Variants in ARPP21 observed in about 807,000 individuals in gnomAD.
ARPP21 encodes cAMP regulated phosphoprotein 21, also known as cAMP-regulated phosphoprotein 21.
In ARPP21, 69 loss-of-function variants were observed where a neutral mutation model predicts 113.2. The ratio of observed to expected loss-of-function variants is 0.61; its 90% confidence interval spans 0.50 to 0.74. The LOEUF (loss-of-function observed/expected upper bound fraction) is 0.74. ARPP21 is among the 30% of genes least tolerant of loss of function. The probability of loss-of-function intolerance (pLI) is 0.00; values close to 1 mark genes in which losing one functional copy is unlikely to be tolerated. For missense variants in ARPP21, 1,070 were observed against 1,037.4 expected, an observed-to-expected ratio of 1.03 and a Z score of -0.43; for synonymous variants, 368 against 375.5, an observed-to-expected ratio of 0.98 and a Z score of 0.23.
chr3:35,699,592 G>A (rs2085472490), intron 9 of ARPP21, among the ~76,000 whole-genome samples: 1 of 151,628 alleles, frequency 6.6e-6, no homozygotes, highest in African/African-American at 2.4e-5. Flanking sequence ...AGTGTTCTCA[G>A]AGGAGCATAG....
intron 9 of ARPP21, among the ~76,000 whole-genome samples, chr3:35,691,287 C>T (rs1316468163): frequency 1.3e-5 from 2 of 151,492 alleles, no homozygotes; most frequent in Non-Finnish European, 3.0e-5. Flanking sequence ...AAATTACATA[C>T]AAAGCTGTGA....
At position 35,717,195 on chromosome 3, in the gene ARPP21, T is replaced by A. The variant is rs913878203; in HGVS notation, c.936-103T>A. ...TCAACATCATATAAATAAAACTTTGTATGGGATTGATTTGTGCTGTAGTAG... is the reference window on the plus strand; with the variant it reads ...TCAACATCATATAAATAAAACTTTGAATGGGATTGATTTGTGCTGTAGTAG... On this transcript the variant is annotated intron_variant, in intron 12 of 20. Transcript: ENST00000684406. 1.9e-5 allele frequency: 12 copies of A among 638,542 alleles called. No homozygotes were observed. The Admixed American group carries it at 2.6e-4, about 14-fold the overall frequency. 39.6% of individuals were successfully genotyped at this position (638,542 alleles called of 1,614,324 possible).
chr3:35,744,308 C>G (rs900538234), intron 19 of ARPP21, among the ~76,000 whole-genome samples: 2 of 151,546 alleles, frequency 1.3e-5, no homozygotes, highest in Admixed American at 6.6e-5. Context: ...AGAGTGCTTC[C>G]TCTGTTCTTA....
chr3:35,743,436 G>A (rs1212311176), intron 18 of ARPP21, among the ~76,000 whole-genome samples: 1 of 152,154 alleles, frequency 6.6e-6, no homozygotes, highest in African/African-American at 2.4e-5. Flanking sequence ...TTACATGCCT[G>A]GAACTGGAGG....
chr3:35,705,679 T>C (rs2088643410), intron 9 of ARPP21, among the ~76,000 whole-genome samples: 1 of 152,122 alleles, frequency 6.6e-6, no homozygotes, highest in African/African-American at 2.4e-5. Flanking sequence ...CATGGAGGGA[T>C]GGTTTCCTTC....
At chr3:35,668,016 A>AGAAGAAGAAGAG (rs2075270410) in intron 1 of ARPP21, among the ~76,000 whole-genome samples, 1 of 150,410 alleles carries the variant, frequency 6.6e-6, no homozygotes, top group Non-Finnish European at 1.5e-5. Context: ...AAGAAGAAGA[A>AGAAGAAGAAGAG]GAAGAAGAAG....
At position 35,687,875 on chromosome 3, in the gene ARPP21, T is replaced by A; in HGVS notation, c.398T>A (p.Leu133Ter). 1 of 1,582,380 alleles carries A rather than the reference T, an allele frequency of 6.3e-7. No homozygotes were observed. The highest frequency in any genetic ancestry group is 1.4e-5 in the African/African-American group (1 of 72,434). The change falls in exon 6 of 21, where the codon TTA (leucine) becomes TAA (stop). Residue 133 changes from leucine to a stop codon, truncating the protein, a stop_gained. Transcript: ENST00000684406. LOFTEE classifies it high-confidence loss of function. ...TCTGAAAAACCCAAGATCAGAATGT[T>A]ATCAAAAGGTGAATGTGAAAATATT... ...KTSEKPKIRM[L>*]SKDCSQEYTD...
At chr3:35,791,946 AT>A (rs2096756381) in intron 19 of ARPP21, among the ~76,000 whole-genome samples, 1 of 152,214 alleles carries the variant, frequency 6.6e-6, no homozygotes, top group African/African-American at 2.4e-5. Context: ...GTGAAATGAG[AT>A]TGTCCAGGAG....
intron 12 of ARPP21, 164 bp downstream of exon 12, chr3:35,715,640 C>A (rs2150173423): frequency 2.1e-6 from 1 of 466,540 alleles, no homozygotes; most frequent in Non-Finnish European, 3.7e-6. Flanking sequence ...AACACATCTA[C>A]AAATGATCTA....
At chr3:35,746,574 C>T (rs962774789) in intron 19 of ARPP21, among the ~76,000 whole-genome samples, 4 of 152,200 alleles carry the variant, frequency 2.6e-5, no homozygotes, top group African/African-American at 9.6e-5. Flanking sequence ...TGTTCTTCCT[C>T]CTGCCTCCTG....
In ARPP21 at chr3:35,738,453, C is replaced by T. The variant is rs902789607; in HGVS notation, c.1749+135C>T. 2.5e-5 allele frequency: 16 copies of T among 650,012 alleles called. No individual in the cohort carries two copies. The Admixed American group carries it at 2.7e-4, about 11-fold the overall frequency. The allele number at this position is 650,012 out of a possible 1,614,324, so 40.3% of individuals were successfully genotyped here. ...TGTGAGGGGGTATGTGCGAATGTCT[C>T]ATTTCTGAACATTACAGCCCATCTC... On this transcript the variant is annotated intron_variant, in intron 17 of 20. Transcript: ENST00000684406.
chr3:35,737,417 T>C, intron 16 of ARPP21, 55 bp downstream of exon 16: 1 of 1,210,686 alleles, frequency 8.3e-7, no homozygotes, highest in Non-Finnish European at 1.2e-6. Flanking sequence ...GAAGGCTACA[T>C]AGTCCTCAGA....
At chr3:35,790,277 T>C (rs2096721984) in intron 19 of ARPP21, among the ~76,000 whole-genome samples, 2 of 152,206 alleles carry the variant, frequency 1.3e-5, no homozygotes, top group Admixed American at 1.3e-4. Flanking sequence ...GTACATTGCC[T>C]GCTCTTTGCT....
chr3:35,665,205 TAGA>T (rs1172257825), intron 1 of ARPP21, among the ~76,000 whole-genome samples: 1 of 152,084 alleles, frequency 6.6e-6, no homozygotes, highest in Non-Finnish European at 1.5e-5. Context: ...AATACAGGAC[TAGA>T]AGAAGAACAG....
chr3:35,730,857 T>C (rs1016332167), intron 15 of ARPP21, among the ~76,000 whole-genome samples: 5 of 152,230 alleles, frequency 3.3e-5, no homozygotes, highest in South Asian at 2.1e-4. Flanking sequence ...TTGAGACATA[T>C]TGAAAATGCC....
chr3:35,719,478 G>A (rs1217809744), intron 13 of ARPP21, among the ~76,000 whole-genome samples: 2 of 152,120 alleles, frequency 1.3e-5, no homozygotes, highest in African/African-American at 4.8e-5. Context: ...TAAGTCTAAA[G>A]GAACTTCTTA....
chr3:35,717,397 A>C, intron 13 of ARPP21, 40 bp downstream of exon 13: 1 of 1,216,492 alleles, frequency 8.2e-7, no homozygotes, highest in Non-Finnish European at 1.2e-6. Flanking sequence ...TTTTTTTCAA[A>C]TTATGTGGTA....
chr3:35,647,016 G>A (rs1177154700), intron 1 of ARPP21, among the ~76,000 whole-genome samples: 1 of 152,114 alleles, frequency 6.6e-6, no homozygotes, highest in Non-Finnish European at 1.5e-5. Flanking sequence ...CACTAACAGT[G>A]TTCTGGAATG....
Position 35,781,330 on chromosome 3 carries a change from T to C in ARPP21, c.2138-11052T>C, listed in dbSNP as rs2096524554. The C allele has an allele frequency of 2.0e-5, 3 of 152,332 alleles. No homozygotes were observed. In the South Asian group the frequency reaches 6.2e-4, roughly 32 times the overall value. 9.4% of individuals were successfully genotyped at this position (152,332 alleles called of 1,614,324 possible). A position where few individuals can be genotyped will look rare whatever the true frequency, so the allele number is the denominator to read the frequency against. On this transcript the variant is annotated intron_variant, in intron 19 of 20. Coordinates refer to ENST00000684406, the MANE Select transcript of ARPP21 (RefSeq NM_001385562.1). ...GAATGATTTGAATCATTTCTCTTCT[T>C]AGCCTGGAGCAAGCCATTAAAAGAA...
Sources: gnomAD v4.1 joint callset for allele counts (sites outside exome capture counted in the v4.1 genomes callset) on GRCh38, gnomAD v4.1.1 for gene constraint, MANE v1.5 for transcripts, NCBI Gene and HGNC (gene_info 2026-07-23, HGNC 2026-07-21) for gene names.